The following SPAG16 variants were observed in gnomAD, a reference collection of about 807,000 sequenced individuals.
SPAG16 encodes the protein sperm-associated antigen 16 protein.
Under a neutral mutation model 80.4 loss-of-function variants are expected in SPAG16, and 86 were observed. The observed-to-expected ratio is 1.07, with a 90% CI of 0.90 to 1.28. The LOEUF (loss-of-function observed/expected upper bound fraction) is 1.28, where lower values mean the gene tolerates loss of function less well. Among genes scored for constraint, SPAG16 ranks in the 50% most tolerant of loss-of-function variants. SPAG16 has a pLI of 0.00. For missense variants in SPAG16, 870 were observed against 765.3 expected (o/e 1.14, Z -1.61); for synonymous variants, 294 against 265.9 (o/e 1.11, Z -1.03).
intron 10 of SPAG16, among the ~76,000 whole-genome samples, chr2:213,618,761 A>T (rs945571398): frequency 1.2e-4 from 18 of 152,074 alleles, no homozygotes; most frequent in African/African-American, 3.9e-4. Context: ...AAAAAAAGGA[A>T]AAGTCACAAG....
intron 15 of SPAG16, among the ~76,000 whole-genome samples, chr2:214,341,784 T>A (rs1697715350): frequency 6.6e-6 from 1 of 152,186 alleles, no homozygotes; most frequent in South Asian, 2.1e-4. Flanking sequence ...TTTAGAAATG[T>A]ACTCCAGCAA....
rs550626001 is a variant in SPAG16, at chr2:213,435,392, G to A, written c.943-54571G>A. 7.2e-5 allele frequency among the ~76,000 whole-genome samples: 11 copies of A among 152,264 alleles called. No homozygotes were observed. In the South Asian group the frequency reaches 2.3e-3, roughly 32 times the overall value. On this transcript the variant is annotated intron_variant, in intron 9 of 15. Transcript: ENST00000331683. ...ATTGGAGCCTGGGAAAGGTGGGTGA[G>A]TGGAAGCAGGGGTGAGGGACAAGAA...
chr2:214,219,647 G>C (rs1483166402), intron 15 of SPAG16, among the ~76,000 whole-genome samples: 1 of 152,058 alleles, frequency 6.6e-6, no homozygotes, highest in African/African-American at 2.4e-5. Context: ...ATTTGGAATA[G>C]ACTGCCCAGA....
At chr2:214,112,678 A>G (rs1446475329) in intron 14 of SPAG16, among the ~76,000 whole-genome samples, 2 of 123,316 alleles carry the variant, frequency 1.6e-5, no homozygotes, top group African/African-American at 3.1e-5. Flanking sequence ...TTCTTGGTAG[A>G]TCTTCCTCCA....
chr2:214,229,137 A>C (rs1389415218), intron 15 of SPAG16, among the ~76,000 whole-genome samples: 1 of 151,538 alleles, frequency 6.6e-6, no homozygotes, highest in East Asian at 1.9e-4. Flanking sequence ...GGATCTTGCC[A>C]TCTACCACGA....
At chr2:214,090,361 A>G (rs571904165) in intron 13 of SPAG16, among the ~76,000 whole-genome samples, 13 of 152,124 alleles carry the variant, frequency 8.5e-5, no homozygotes, top group African/African-American at 2.6e-4. Flanking sequence ...AAACTCTGAG[A>G]AGCTCAACAA....
rs199625652 is a variant in SPAG16, at chr2:213,389,587, A to G, written c.942+14468A>G. Among the ~76,000 whole-genome samples the G allele has an allele frequency of 3.9e-5, 6 of 152,286 alleles. No individual in the cohort carries two copies. In the East Asian group the frequency reaches 1.2e-3, roughly 29 times the overall value. ...AAAGTCCAATCCAAAAAAGGACTTT[A>G]ATAACACATTTCTAGATTGAAGATA... On this transcript the variant is annotated intron_variant, in intron 9 of 15. Coordinates refer to ENST00000331683, the MANE Select transcript of SPAG16 (RefSeq NM_024532.5).
chr2:213,724,497 G>A (rs1298499422), intron 10 of SPAG16, among the ~76,000 whole-genome samples: 1 of 152,052 alleles, frequency 6.6e-6, no homozygotes, highest in Admixed American at 6.5e-5. Flanking sequence ...GATAAACTGG[G>A]CCGGGTGCAG....
At chr2:214,159,899 C>T (rs969461138) in intron 15 of SPAG16, among the ~76,000 whole-genome samples, 1 of 151,932 alleles carries the variant, frequency 6.6e-6, no homozygotes, top group African/African-American at 2.4e-5. Flanking sequence ...TGTTATCATT[C>T]CCTCTCTTAT....
chr2:213,447,609 G>A (rs750286517), intron 9 of SPAG16, among the ~76,000 whole-genome samples: 23 of 152,098 alleles, frequency 1.5e-4, no homozygotes, highest in Non-Finnish European at 3.2e-4. Flanking sequence ...GGAGAACATC[G>A]GGCGTTCCCA....
chr2:214,131,578 G>A (rs960367242), intron 14 of SPAG16, among the ~76,000 whole-genome samples: 1 of 151,830 alleles, frequency 6.6e-6, no homozygotes, highest in African/African-American at 2.4e-5. Flanking sequence ...TAGGTGAATT[G>A]ATAGAGAAAG....
intron 10 of SPAG16, among the ~76,000 whole-genome samples, chr2:213,844,574 A>C (rs971012584): frequency 6.6e-6 from 1 of 152,212 alleles, no homozygotes; most frequent in Non-Finnish European, 1.5e-5. Context: ...TCAGATTATA[A>C]ATCTAACGAC....
chr2:213,600,728 T>A (rs918130875), intron 10 of SPAG16, among the ~76,000 whole-genome samples: 1 of 152,234 alleles, frequency 6.6e-6, no homozygotes, highest in African/African-American at 2.4e-5. Context: ...TGCATATTCC[T>A]TGGACTCCAA....
chr2:213,402,156 G>C (rs1003740732), intron 9 of SPAG16, among the ~76,000 whole-genome samples: 1 of 151,690 alleles, frequency 6.6e-6, no homozygotes, highest in Admixed American at 6.6e-5. Context: ...CGTCATAATA[G>C]GTATAATTTT....
intron 9 of SPAG16, among the ~76,000 whole-genome samples, chr2:213,389,860 G>T (rs182593537): frequency 1.3e-5 from 2 of 152,136 alleles, no homozygotes; most frequent in African/African-American, 4.8e-5. Flanking sequence ...ATTACCATAT[G>T]ATCTCACAGT....
intron 11 of SPAG16, among the ~76,000 whole-genome samples, chr2:213,905,563 G>C (rs7599344): frequency 0.24 from 35,996 of 152,150 alleles, 4,774 homozygotes; most frequent in East Asian, 0.4. Context: ...TTCAACAGCT[G>C]TTTATTGGGA....
At chr2:214,359,991 A>T (rs1014376178) in intron 15 of SPAG16, among the ~76,000 whole-genome samples, 1 of 151,870 alleles carries the variant, frequency 6.6e-6, no homozygotes, top group Non-Finnish European at 1.5e-5. Flanking sequence ...TTGGTCTCAG[A>T]TGCTCTACTC....
chr2:214,304,064 G>A (rs1380123459), intron 15 of SPAG16, among the ~76,000 whole-genome samples: 2 of 152,108 alleles, frequency 1.3e-5, no homozygotes, highest in Non-Finnish European at 2.9e-5. Flanking sequence ...ATATGTCCAT[G>A]TATTCTCATA....
intron 13 of SPAG16, among the ~76,000 whole-genome samples, chr2:214,015,917 C>G (rs555129650): frequency 4.6e-5 from 7 of 152,152 alleles, no homozygotes; most frequent in African/African-American, 1.7e-4. Flanking sequence ...AGAATTTGAG[C>G]TAGGAAACAG....
Sources: gnomAD v4.1 joint callset for allele counts (sites outside exome capture counted in the v4.1 genomes callset) on GRCh38, gnomAD v4.1.1 for gene constraint, MANE v1.5 for transcripts, NCBI Gene and HGNC (gene_info 2026-07-23, HGNC 2026-07-21) for gene names.